COL19A1: variants seen among roughly 807,000 people sequenced by gnomAD.
The protein encoded by COL19A1 is collagen alpha-1(XIX) chain.
A neutral mutation model predicts 190.2 loss-of-function variants in COL19A1; 159 were observed. That is an observed-to-expected ratio of 0.84 (90% CI 0.73 to 0.95). The LOEUF is 0.95. Ranked by LOEUF, COL19A1 falls within the 40% of genes least tolerant of loss-of-function variation. The probability of loss-of-function intolerance (pLI) is 0.00; values close to 1 mark genes in which losing one functional copy is unlikely to be tolerated. For missense variants in COL19A1, 1,418 were observed against 1,431.9 expected, an observed-to-expected ratio of 0.99 and a Z score of 0.16; for synonymous variants, 509 against 458.9, an observed-to-expected ratio of 1.11 and a Z score of -1.39.
intron 18 of COL19A1, among the ~76,000 whole-genome samples, chr6:70,135,644 A>G (rs1449281527): frequency 1.3e-5 from 2 of 152,206 alleles, no homozygotes; most frequent in Admixed American, 1.3e-4. Context: ...TTGTATTGCA[A>G]AATCAGCCAG....
At chr6:69,924,850 T>G (rs1299658911) in intron 4 of COL19A1, among the ~76,000 whole-genome samples, 1 of 152,216 alleles carries the variant, frequency 6.6e-6, no homozygotes, top group African/African-American at 2.4e-5. Flanking sequence ...TGATGAGCAT[T>G]TTTTCATGTG....
intron 14 of COL19A1, among the ~76,000 whole-genome samples, chr6:70,065,996 T>C (rs1781168549): frequency 6.6e-6 from 1 of 152,212 alleles, no homozygotes; most frequent in Non-Finnish European, 1.5e-5. Context: ...TTTACACTGT[T>C]GGTGGGACTG....
At chr6:69,954,834 G>T (rs1309912696) in intron 9 of COL19A1, among the ~76,000 whole-genome samples, 2 of 152,008 alleles carry the variant, frequency 1.3e-5, no homozygotes, top group African/African-American at 4.8e-5. Context: ...AATGGCTTCA[G>T]TACATTTAAG....
chr6:70,072,782 T>A (rs1781635490), intron 15 of COL19A1, among the ~76,000 whole-genome samples: 1 of 152,058 alleles, frequency 6.6e-6, no homozygotes. Flanking sequence ...TGTGTTTCTT[T>A]GCACCAGCCC....
intron 2 of COL19A1, among the ~76,000 whole-genome samples, chr6:69,886,343 G>A (rs938185784): frequency 3.3e-5 from 5 of 152,162 alleles, no homozygotes; most frequent in Non-Finnish European, 7.3e-5. Flanking sequence ...AACGTGGCAA[G>A]GATATGGAGA....
At chr6:70,000,968 C>T (rs1356210818) in intron 11 of COL19A1, among the ~76,000 whole-genome samples, 1 of 152,072 alleles carries the variant, frequency 6.6e-6, no homozygotes, top group Non-Finnish European at 1.5e-5. Context: ...AAGGGTACTG[C>T]CTAGGTTTTC....
intron 2 of COL19A1, among the ~76,000 whole-genome samples, chr6:69,889,614 G>T (rs374978851): frequency 6.7e-6 from 1 of 149,248 alleles, no homozygotes. Flanking sequence ...ACCAATCAGC[G>T]CTGTGTCTAG....
At chr6:70,053,842 T>A (rs1011370000) in intron 14 of COL19A1, among the ~76,000 whole-genome samples, 1 of 152,198 alleles carries the variant, frequency 6.6e-6, no homozygotes, top group Non-Finnish European at 1.5e-5. Context: ...TTAGTGCATG[T>A]ATTACCAAAA....
intron 16 of COL19A1, among the ~76,000 whole-genome samples, chr6:70,110,334 C>A (rs1784214560): frequency 6.6e-6 from 1 of 152,164 alleles, no homozygotes; most frequent in Non-Finnish European, 1.5e-5. Flanking sequence ...GAACCACAAT[C>A]TCTTCTGTTA....
chr6:69,900,506 C>T (rs946991767), intron 4 of COL19A1, among the ~76,000 whole-genome samples, 168 bp downstream of exon 4: 7 of 152,016 alleles, frequency 4.6e-5, no homozygotes, highest in Non-Finnish European at 1.0e-4. Context: ...AAAATCATTG[C>T]AATCTAATCT....
chr6:70,167,761 C>T (rs1383078805), intron 37 of COL19A1, among the ~76,000 whole-genome samples: 2 of 152,144 alleles, frequency 1.3e-5, no homozygotes, highest in Non-Finnish European at 2.9e-5. Context: ...TCTGTCAAAC[C>T]TGAACATTAA....
intron 15 of COL19A1, among the ~76,000 whole-genome samples, chr6:70,093,996 C>A (rs1311311761): frequency 6.6e-6 from 1 of 152,180 alleles, no homozygotes; most frequent in African/African-American, 2.4e-5. Context: ...GTCATTTGTT[C>A]ATGCTGAATT....
intron 11 of COL19A1, among the ~76,000 whole-genome samples, chr6:69,990,811 A>G (rs376612460): frequency 5.9e-5 from 9 of 152,260 alleles, no homozygotes; most frequent in African/African-American, 2.2e-4. Context: ...GATCATCAAT[A>G]TCTAGGCCAA....
At chr6:69,943,533 G>C (rs1773602959) in intron 9 of COL19A1, among the ~76,000 whole-genome samples, 2 of 152,126 alleles carry the variant, frequency 1.3e-5, no homozygotes, top group Admixed American at 6.6e-5. Context: ...AAGATTCATA[G>C]TTTTGGGCTC....
At chr6:70,197,229 G>A (rs1010075391) in intron 48 of COL19A1, among the ~76,000 whole-genome samples, 1 of 151,758 alleles carries the variant, frequency 6.6e-6, no homozygotes, top group Non-Finnish European at 1.5e-5. Context: ...GACCATTCTG[G>A]CTGACACGGT....
intron 11 of COL19A1, among the ~76,000 whole-genome samples, chr6:69,997,415 G>C (rs922780740): frequency 6.6e-6 from 1 of 152,172 alleles, no homozygotes; most frequent in South Asian, 2.1e-4. Context: ...GAGGGCCAGG[G>C]TCTCAGATAC....
chr6:69,988,609 T>A (rs1776435675), intron 11 of COL19A1, among the ~76,000 whole-genome samples: 1 of 152,214 alleles, frequency 6.6e-6, no homozygotes, highest in Admixed American at 6.5e-5. Flanking sequence ...CTGTGCTAGA[T>A]GCTCTGGTGG....
chr6:69,982,618 C>T (rs1030870201), intron 11 of COL19A1, among the ~76,000 whole-genome samples: 2 of 151,720 alleles, frequency 1.3e-5, no homozygotes, highest in Admixed American at 6.6e-5. Flanking sequence ...AATTCCTCAC[C>T]AGGCTCTTTA....
chr6:70,115,828 T>TTG (rs1283710357), intron 16 of COL19A1, among the ~76,000 whole-genome samples: 11 of 88,002 alleles, frequency 1.2e-4, no homozygotes, highest in African/African-American at 3.2e-4. Flanking sequence ...GTGTTTTGTT[T>TTG]TTTTTTTTTT....
Sources: allele counts gnomAD v4.1 joint callset (sites outside exome capture counted in the v4.1 genomes callset), GRCh38; gene constraint gnomAD v4.1.1; transcripts MANE v1.5; gene names NCBI Gene and HGNC (gene_info 2026-07-23, HGNC 2026-07-21).